HSD17B4: variants seen among roughly 807,000 people sequenced by gnomAD.
HSD17B4 encodes the protein peroxisomal multifunctional enzyme type 2.
A neutral mutation model predicts 101.0 loss-of-function variants in HSD17B4; 70 were observed. That is an observed-to-expected ratio of 0.69 (90% CI 0.57 to 0.85). The LOEUF (loss-of-function observed/expected upper bound fraction) is 0.85, where lower values mean the gene tolerates loss of function less well. Among genes scored for constraint, HSD17B4 ranks in the 40% least tolerant of loss-of-function variants. The probability of loss-of-function intolerance (pLI) is 0.00; values close to 1 mark genes in which losing one functional copy is unlikely to be tolerated. For synonymous variants in HSD17B4, 347 were observed against 297.1 expected (o/e 1.17, Z -1.73); for missense variants, 984 against 892.4 (o/e 1.10, Z -1.31).
intron 17 of HSD17B4, among the ~76,000 whole-genome samples, chr5:119,518,301 G>A (rs1276391558): frequency 1.3e-5 from 2 of 151,990 alleles, no homozygotes; most frequent in Non-Finnish European, 2.9e-5. Context: ...CTTCACTCCT[G>A]AGCCAGCGAG....
chr5:119,518,786 A>G lies in HSD17B4; in HGVS notation c.1503+3740A>G, dbSNP rs1752869376. Among the ~76,000 whole-genome samples, 3 of 152,200 alleles carry G rather than the reference A, an allele frequency of 2.0e-5. No homozygotes were observed. In the South Asian group the frequency reaches 6.2e-4, roughly 32 times the overall value. ...AATATATATTTTTAACTATACCAGTATCACTTCTGGAATGTCTGTTTATAA... is the reference window on the plus strand; with the variant it reads ...AATATATATTTTTAACTATACCAGTGTCACTTCTGGAATGTCTGTTTATAA... On this transcript the variant is annotated intron_variant, in intron 17 of 23. Coordinates refer to ENST00000510025, the MANE Select transcript of HSD17B4 (RefSeq NM_000414.4).
At chr5:119,529,869 C>CTT in intron 20 of HSD17B4, 25 bp from the exon 21 acceptor site, 9 of 1,252,572 alleles carry the variant, frequency 7.2e-6, no homozygotes, top group East Asian at 2.5e-5. Context: ...CAGAATAAAT[C>CTT]TTTTTTTTTT....
chr5:119,506,069 A>G (rs964343935), intron 14 of HSD17B4, among the ~76,000 whole-genome samples: 20 of 152,090 alleles, frequency 1.3e-4, no homozygotes, highest in African/African-American at 4.8e-4. Context: ...CACAATGTGC[A>G]GTTTTGTTAC....
intron 14 of HSD17B4, among the ~76,000 whole-genome samples, chr5:119,504,684 A>G (rs374222693): frequency 4.6e-5 from 7 of 152,018 alleles, no homozygotes; most frequent in African/African-American, 1.4e-4. Flanking sequence ...TTAGACCTCT[A>G]TTGGATACAT....
chr5:119,483,780 T>C (rs1749358539), intron 8 of HSD17B4, among the ~76,000 whole-genome samples: 1 of 152,132 alleles, frequency 6.6e-6, no homozygotes, highest in African/African-American at 2.4e-5. Flanking sequence ...TCAAAGTAAA[T>C]CCTAGACATT....
At chr5:119,458,565 T>A (rs531138796) in intron 2 of HSD17B4, among the ~76,000 whole-genome samples, 1 of 151,286 alleles carries the variant, frequency 6.6e-6, no homozygotes, top group Non-Finnish European at 1.5e-5. Context: ...GCCAGGCTGG[T>A]CTTGAACTCC....
chr5:119,477,339 T>C (rs1464546802), intron 6 of HSD17B4, 78 bp from the exon 7 acceptor site: 4 of 972,958 alleles, frequency 4.1e-6, no homozygotes, highest in South Asian at 1.4e-5. Flanking sequence ...TTTGTATAAA[T>C]ACAACATTGC....
chr5:119,513,829 A>C (rs1752379512), intron 16 of HSD17B4, among the ~76,000 whole-genome samples: 1 of 152,212 alleles, frequency 6.6e-6, no homozygotes. Context: ...TTAACAGTAA[A>C]ACTACCATCG....
At chr5:119,459,048 TTAAG>T (rs1469687160) in intron 2 of HSD17B4, among the ~76,000 whole-genome samples, 4 of 152,224 alleles carry the variant, frequency 2.6e-5, no homozygotes, top group African/African-American at 9.6e-5. Flanking sequence ...TACAATCTTT[TTAAG>T]TAAGATTGAC....
intron 13 of HSD17B4, among the ~76,000 whole-genome samples, chr5:119,500,131 C>G (rs1751023856): frequency 6.6e-6 from 1 of 152,082 alleles, no homozygotes; most frequent in Admixed American, 6.6e-5. Flanking sequence ...TGTTCACAGA[C>G]TGGTACAAGC....
At chr5:119,453,093 G>GT (rs1442107209) in intron 1 of HSD17B4, among the ~76,000 whole-genome samples, 1 of 152,244 alleles carries the variant, frequency 6.6e-6, no homozygotes, top group African/African-American at 2.4e-5. Flanking sequence ...GTCGTTCAGT[G>GT]TTTGTTTCCC....
At chr5:119,482,642 T>C (rs1749244175) in intron 8 of HSD17B4, among the ~76,000 whole-genome samples, 1 of 152,138 alleles carries the variant, frequency 6.6e-6, no homozygotes, top group Admixed American at 6.6e-5. Context: ...ACTATAGCTA[T>C]GGGTATCACA....
At chr5:119,503,629 T>TAACAACA (rs1041869619) in intron 14 of HSD17B4, among the ~76,000 whole-genome samples, 5 of 152,116 alleles carry the variant, frequency 3.3e-5, no homozygotes, top group African/African-American at 1.2e-4. Context: ...CAACATCTCT[T>TAACAACA]AATGGCTCAT....
chr5:119,466,120 A>G (rs1755783214), intron 2 of HSD17B4, among the ~76,000 whole-genome samples: 2 of 152,196 alleles, frequency 1.3e-5, no homozygotes, highest in Admixed American at 1.3e-4. Context: ...TATCACATTT[A>G]TTGATACACA....
chr5:119,483,627 G>T (rs1749344703), intron 8 of HSD17B4, among the ~76,000 whole-genome samples: 1 of 152,078 alleles, frequency 6.6e-6, no homozygotes, highest in African/African-American at 2.4e-5. Context: ...TAAAAGGAAA[G>T]ACTTTTTTGT....
At chr5:119,477,349 C>A in intron 6 of HSD17B4, 68 bp from the exon 7 acceptor site, 2 of 1,047,790 alleles carry the variant, frequency 1.9e-6, no homozygotes, top group South Asian at 1.4e-5. Context: ...TACAACATTG[C>A]TTATGTTGAT....
intron 2 of HSD17B4, among the ~76,000 whole-genome samples, chr5:119,458,536 A>T (rs534647231): frequency 6.8e-6 from 1 of 146,412 alleles, no homozygotes; most frequent in Non-Finnish European, 1.5e-5. Context: ...TTAAGTAAAG[A>T]TGCGGTTTCA....
chr5:119,494,014 T>A (rs1580607368), intron 11 of HSD17B4, 68 bp downstream of exon 11: 1 of 1,514,888 alleles, frequency 6.6e-7, no homozygotes, highest in South Asian at 1.1e-5. Context: ...TCTTCTCTTA[T>A]GTAGTTGTCT....
chr5:119,471,556 A>C (rs2126673076), intron 2 of HSD17B4: 1 of 553,812 alleles, frequency 1.8e-6, no homozygotes, highest in East Asian at 3.4e-5. Flanking sequence ...GTTTAAAAAA[A>C]ATTGTGTTAA....
Sources: allele counts gnomAD v4.1 joint callset (sites outside exome capture counted in the v4.1 genomes callset), GRCh38; gene constraint gnomAD v4.1.1; transcripts MANE v1.5; gene names NCBI Gene and HGNC (gene_info 2026-07-23, HGNC 2026-07-21).